Variants in BNC2 observed in about 807,000 individuals in gnomAD.
BNC2 encodes basonuclin zinc finger protein 2, also known as zinc finger protein basonuclin-2.
BNC2 carries 20 observed loss-of-function variants against 76.3 expected under a neutral mutation model. That is an observed-to-expected ratio of 0.26 (90% CI 0.18 to 0.38). BNC2 has a LOEUF of 0.38. BNC2 is among the 10% of genes least tolerant of loss of function. BNC2 has a pLI of 1.00. For missense variants in BNC2, 1,382 were observed against 1,399.8 expected (o/e 0.99, Z 0.20); for synonymous variants, 582 against 514.8 (o/e 1.13, Z -1.77).
intron 3 of BNC2, among the ~76,000 whole-genome samples, chr9:16,724,233 G>A (rs575316520): frequency 6.6e-6 from 1 of 151,666 alleles, no homozygotes; most frequent in South Asian, 2.1e-4. Flanking sequence ...AAATAGACTG[G>A]ACTATTACAT....
intron 3 of BNC2, among the ~76,000 whole-genome samples, chr9:16,587,329 T>A (rs1326859267): frequency 6.6e-6 from 1 of 151,014 alleles, no homozygotes; most frequent in Admixed American, 6.6e-5. Context: ...TCCTCCCACC[T>A]CAGCTTCCCC....
At chr9:16,804,974 A>T (rs1817869512) in intron 1 of BNC2, among the ~76,000 whole-genome samples, 1 of 152,024 alleles carries the variant, frequency 6.6e-6, no homozygotes, top group African/African-American at 2.4e-5. Flanking sequence ...AGGTGGGAGA[A>T]TCTCTTGAAC....
intron 5 of BNC2, among the ~76,000 whole-genome samples, chr9:16,538,462 G>A (rs936916243): frequency 1.3e-5 from 2 of 152,096 alleles, no homozygotes; most frequent in African/African-American, 4.8e-5. Context: ...AGATCGTCTC[G>A]TTCTAAATGA....
intron 6 of BNC2, among the ~76,000 whole-genome samples, chr9:16,433,019 C>T (rs1392065852): frequency 6.6e-6 from 1 of 152,084 alleles, no homozygotes; most frequent in East Asian, 1.9e-4. Context: ...CAATAAAAGG[C>T]TAAAACAGGA....
rs182056398 is a variant in BNC2 at position 16,845,298 on chromosome 9, T to A, written c.3+25348A>T. 3.3e-5 allele frequency among the ~76,000 whole-genome samples: 5 copies of A among 150,088 alleles called. No individual in the cohort carries two copies. In the East Asian group the frequency reaches 1.0e-3, roughly 30 times the overall value. On this transcript the variant is annotated intron_variant, in intron 1 of 6. Transcript: ENST00000380672. ...ATTTTTTTAAAATGGAGGGAGTTTTTAATTATTCAACACCAGCTTTTTTAC... is the reference window on the plus strand; with the variant it reads ...ATTTTTTTAAAATGGAGGGAGTTTTAAATTATTCAACACCAGCTTTTTTAC...
At chr9:16,485,496 G>C (rs1377725624) in intron 5 of BNC2, among the ~76,000 whole-genome samples, 2 of 152,158 alleles carry the variant, frequency 1.3e-5, no homozygotes, top group East Asian at 3.8e-4. Context: ...AATTTAATAA[G>C]AGACCCAACT....
chr9:16,507,771 T>G (rs910001834), intron 5 of BNC2, among the ~76,000 whole-genome samples: 1 of 152,164 alleles, frequency 6.6e-6, no homozygotes, highest in Admixed American at 6.5e-5. Flanking sequence ...GCTCATATAG[T>G]AGGTCCATAA....
At chr9:16,680,751 A>G (rs1317844089) in intron 3 of BNC2, among the ~76,000 whole-genome samples, 2 of 151,890 alleles carry the variant, frequency 1.3e-5, no homozygotes, top group Non-Finnish European at 1.5e-5. Context: ...AAAAATCAGT[A>G]TCAATACAGA....
intron 5 of BNC2, among the ~76,000 whole-genome samples, chr9:16,507,722 T>C (rs117460891): frequency 0.028 from 4,264 of 152,274 alleles, 76 homozygotes; most frequent in Middle Eastern, 0.068. Context: ...CCACCGCGCC[T>C]GGCCTATTTC....
At chr9:16,496,107 C>T (rs149335675) in intron 5 of BNC2, among the ~76,000 whole-genome samples, 2,552 of 151,998 alleles carry the variant, frequency 0.017, 22 homozygotes, top group Middle Eastern at 0.048. Context: ...CAGGGTTTCG[C>T]CATGTTGGAC....
chr9:16,867,178 TCA>T (rs141168877), intron 1 of BNC2, among the ~76,000 whole-genome samples: 3 of 152,302 alleles, frequency 2.0e-5, no homozygotes, highest in South Asian at 2.1e-4. Flanking sequence ...TGGTCTGGTC[TCA>T]GTTTTAAAAA....
At chr9:16,463,335 C>T (rs999922801) in intron 5 of BNC2, among the ~76,000 whole-genome samples, 5 of 117,390 alleles carry the variant, frequency 4.3e-5, no homozygotes, top group Non-Finnish European at 8.0e-5. Flanking sequence ...CTCGCTCTGT[C>T]GCCCAGGCTG....
intron 5 of BNC2, chr9:16,476,267 T>C (rs1215688976): frequency 1.3e-5 from 2 of 152,246 alleles, no homozygotes; most frequent in Non-Finnish European, 2.9e-5. Context: ...AGGGAAGTTC[T>C]GGAAGAAGTA....
chr9:16,840,500 C>T (rs1391500733), intron 1 of BNC2, among the ~76,000 whole-genome samples: 1 of 152,130 alleles, frequency 6.6e-6, no homozygotes, highest in African/African-American at 2.4e-5. Context: ...ATTTATTCAC[C>T]CTATCACAAG....
chr9:16,530,130 C>T (rs1460302647), intron 5 of BNC2, among the ~76,000 whole-genome samples: 5 of 151,344 alleles, frequency 3.3e-5, no homozygotes, highest in East Asian at 1.9e-4. Flanking sequence ...CATGAGCCAC[C>T]GCACCTGGCC....
rs79994792 is a variant in BNC2 at position 16,678,648 on chromosome 9, CTTTT to C, written c.330+49145_330+49148del. On this transcript the variant is annotated intron_variant, in intron 3 of 6. Coordinates refer to ENST00000380672, the MANE Select transcript of BNC2 (RefSeq NM_017637.6). Reference sequence around the variant, plus strand: ...TTCTGTACCTAAACAGTAACAGTCTCTTTTTTTTTTTTTTCAAATTTCCATGATT... The same window carrying C: ...TTCTGTACCTAAACAGTAACAGTCTCTTTTTTTTTTCAAATTTCCATGATT... Among the ~76,000 whole-genome samples the C allele has an allele frequency of 4.4e-5, 6 of 135,170 alleles. No individual in the cohort carries two copies. The East Asian group carries it at 1.1e-3, about 24-fold the overall frequency. The allele number at this position is 135,170 out of a possible 152,430, so 88.7% of individuals were successfully genotyped here. A position where few individuals can be genotyped will look rare whatever the true frequency, so the allele number is the denominator to read the frequency against.
At chr9:16,733,419 G>C (rs1824571100) in intron 2 of BNC2, among the ~76,000 whole-genome samples, 1 of 151,950 alleles carries the variant, frequency 6.6e-6, no homozygotes, top group Admixed American at 6.6e-5. Flanking sequence ...GAATAGAAAA[G>C]AAGTAAAACA....
At chr9:16,482,311 A>T (rs903010801) in intron 5 of BNC2, among the ~76,000 whole-genome samples, 8 of 152,222 alleles carry the variant, frequency 5.3e-5, no homozygotes, top group Non-Finnish European at 7.3e-5. Flanking sequence ...ATTTAGCAGA[A>T]TAATTTAATT....
intron 1 of BNC2, among the ~76,000 whole-genome samples, chr9:16,845,356 C>A (rs1203952201): frequency 2.6e-5 from 4 of 152,138 alleles, no homozygotes; most frequent in Admixed American, 2.0e-4. Context: ...ATGGCCTAGA[C>A]CATGGAGCTT....
Sources: gnomAD v4.1 joint callset for allele counts (sites outside exome capture counted in the v4.1 genomes callset) on GRCh38, gnomAD v4.1.1 for gene constraint, MANE v1.5 for transcripts, NCBI Gene and HGNC (gene_info 2026-07-23, HGNC 2026-07-21) for gene names.